The following DDX21 variants were observed in gnomAD, a reference collection of about 807,000 sequenced individuals.
The protein encoded by DDX21 is DExD-box helicase 21, also known as nucleolar RNA helicase 2.
DDX21 carries 18 observed loss-of-function variants against 90.0 expected under a neutral mutation model. That is an observed-to-expected ratio of 0.20 (90% CI 0.14 to 0.30). The LOEUF (loss-of-function observed/expected upper bound fraction) is 0.30. Among genes scored for constraint, DDX21 ranks in the 10% least tolerant of loss-of-function variants. The pLI is 1.00. For missense variants in DDX21, 673 were observed against 944.5 expected, an observed-to-expected ratio of 0.71 and a Z score of 3.77; for synonymous variants, 294 against 318.0, an observed-to-expected ratio of 0.92 and a Z score of 0.80.
Position 68,983,493 on chromosome 10 carries a change from T to C in DDX21, c.*681T>C, listed in dbSNP as rs1308872616. ...TAGTGAATTCTTCATAGATAGTATA[T>C]ATAAAAGTACATTTTAATAGAAAGC... On this transcript the variant is annotated 3_prime_UTR_variant, in exon 15 of 15. Coordinates refer to ENST00000354185, the MANE Select transcript of DDX21 (RefSeq NM_004728.4). 2.6e-5 allele frequency: 4 copies of C among 152,178 alleles called. No homozygotes were observed. The highest frequency in any genetic ancestry group is 5.9e-5 in the Non-Finnish European group (4 of 68,042). The allele number at this position is 152,178 out of a possible 1,614,324, so 9.4% of individuals were successfully genotyped here. A position where few individuals can be genotyped will look rare whatever the true frequency, so the allele number is the denominator to read the frequency against.
At position 68,960,858 on chromosome 10, in the gene DDX21, T is replaced by C. The variant is rs548354608; in HGVS notation, c.531+609T>C. Among the ~76,000 whole-genome samples the C allele has an allele frequency of 4.6e-5, 7 of 152,240 alleles. No individual in the cohort carries two copies. In the East Asian group the frequency reaches 1.2e-3, roughly 25 times the overall value. On this transcript the variant is annotated intron_variant, in intron 2 of 14. Transcript: ENST00000354185. Reference sequence around the variant, plus strand: ...ATACTGCTTAAGCTTAGGGAGAGTCTTGGTCTGCTTATTTGCAAGTCAGTC... The same window carrying C: ...ATACTGCTTAAGCTTAGGGAGAGTCCTGGTCTGCTTATTTGCAAGTCAGTC...
chr10:68,969,054 T>C lies in DDX21; in HGVS notation c.1169T>C (p.Met390Thr), dbSNP rs1444548575. 1 of 1,614,104 alleles carries C rather than the reference T, an allele frequency of 6.2e-7. No individual in the cohort carries two copies. The highest frequency in any genetic ancestry group is 1.3e-5 in the African/African-American group (1 of 75,046). ...HWVFNVAKKY[M>T]KSTYEQVDLI... is the part of the protein sequence containing the mutation. ...GTATTTAATGTTGCCAAGAAATACA[T>C]GAAATCTACATATGAACAGGTGGAC... The change falls in exon 7 of 15, where the codon ATG becomes ACG. Residue 390 changes from methionine to threonine, a missense_variant. Coordinates refer to ENST00000354185, the MANE Select transcript of DDX21 (RefSeq NM_004728.4).
At chr10:68,956,822 C>G in intron 1 of DDX21, 1 of 932,324 alleles carries the variant, frequency 1.1e-6, no homozygotes, top group Non-Finnish European at 1.3e-6. Flanking sequence ...GCGGGCGGAT[C>G]ATGAGGTCAG....
At chr10:68,977,000 T>C (rs1286618829) in intron 11 of DDX21, among the ~76,000 whole-genome samples, 4 of 152,030 alleles carry the variant, frequency 2.6e-5, no homozygotes, top group Non-Finnish European at 5.9e-5. Context: ...TGTGGCACAG[T>C]CATAGCTCAC....
chr10:68,957,653 C>CT (rs1842816796), intron 1 of DDX21, among the ~76,000 whole-genome samples: 1 of 152,182 alleles, frequency 6.6e-6, no homozygotes, highest in Non-Finnish European at 1.5e-5. Context: ...TGACCAAACT[C>CT]TGTTATATTC....
At chr10:68,977,006 C>A (rs1000612893) in intron 11 of DDX21, among the ~76,000 whole-genome samples, 5 of 151,380 alleles carry the variant, frequency 3.3e-5, no homozygotes, top group Admixed American at 6.6e-5. Context: ...ACAGTCATAG[C>A]TCACTGCAAT....
At chr10:68,981,453 T>C in intron 13 of DDX21, 84 bp from the exon 14 acceptor site, 1 of 1,278,674 alleles carries the variant, frequency 7.8e-7, no homozygotes, top group Non-Finnish European at 1.1e-6. Flanking sequence ...TTGTTTTCTT[T>C]TTTTTAAAGA....
chr10:68,979,801 A>G (rs1053935457), intron 13 of DDX21, among the ~76,000 whole-genome samples: 19 of 152,306 alleles, frequency 1.2e-4, no homozygotes, highest in Middle Eastern at 3.4e-3. Flanking sequence ...CAACCCTTTC[A>G]TAGGAGGATA....
chr10:68,980,133 A>G (rs886592400), intron 13 of DDX21, among the ~76,000 whole-genome samples: 3 of 152,124 alleles, frequency 2.0e-5, no homozygotes, highest in African/African-American at 7.2e-5. Flanking sequence ...CCAGCTACTC[A>G]GGAGGCTGAG....
At chr10:68,982,321 G>C (rs1843203412) in intron 14 of DDX21, among the ~76,000 whole-genome samples, 1 of 152,204 alleles carries the variant, frequency 6.6e-6, no homozygotes, top group Non-Finnish European at 1.5e-5. Flanking sequence ...ATGAAGTAGT[G>C]ATGAGGGCTA....
Position 68,978,746 on chromosome 10 carries a change from C to T in DDX21, c.1903-96C>T. The T allele has an allele frequency of 2.0e-6, 3 of 1,481,140 alleles. No homozygotes were observed. In the South Asian group the frequency reaches 4.1e-5, roughly 20 times the overall value. 91.7% of individuals were successfully genotyped at this position (1,481,140 alleles called of 1,614,324 possible). A position where few individuals can be genotyped will look rare whatever the true frequency, so the allele number is the denominator to read the frequency against. On this transcript the variant is annotated intron_variant, in intron 12 of 14. Transcript: ENST00000354185. ...GTGAGATGTATGTTTTTAGGAATAA[C>T]TTTTCAAGAAATATTTTAGAATCAC...
Position 68,967,112 on chromosome 10 carries a change from T to G in DDX21, c.999T>G (p.Leu333=). ...ATGGCAAACTAGATCTCACCAAACTTAAGCATGTTGTCCTGGATGAAGTGG... is the reference window on the plus strand; with the variant it reads ...ATGGCAAACTAGATCTCACCAAACTGAAGCATGTTGTCCTGGATGAAGTGG... ...IQNGKLDLTK[L]KHVVLDEVDQ... The change falls in exon 6 of 15, where the codon CTT becomes CTG. Residue 333 remains leucine, a synonymous_variant. Coordinates refer to ENST00000354185, the MANE Select transcript of DDX21 (RefSeq NM_004728.4). 6.2e-7 allele frequency: 1 copy of G among 1,612,320 alleles called. No individual in the cohort carries two copies. Among genetic ancestry groups the G allele is most frequent in the Non-Finnish European group, 8.5e-7 (1 of 1,179,530 alleles).
At chr10:68,961,894 T>G (rs1041151979) in intron 2 of DDX21, among the ~76,000 whole-genome samples, 188 bp from the exon 3 acceptor site, 1 of 152,238 alleles carries the variant, frequency 6.6e-6, no homozygotes, top group African/African-American at 2.4e-5. Context: ...TTTATAGATT[T>G]ATGACAATGT....
At chr10:68,968,739 C>G (rs1842977996) in intron 6 of DDX21, among the ~76,000 whole-genome samples, 1 of 152,144 alleles carries the variant, frequency 6.6e-6, no homozygotes, top group Non-Finnish European at 1.5e-5. Flanking sequence ...GGTCAGAAAG[C>G]AAAATAACTT....
chr10:68,976,872 T>C (rs1300141225), intron 11 of DDX21, among the ~76,000 whole-genome samples: 2 of 152,198 alleles, frequency 1.3e-5, no homozygotes, highest in African/African-American at 2.4e-5. Context: ...CCCTTAAGAA[T>C]GTACAAATAG....
chr10:68,976,435 C>T (rs1336034791), intron 11 of DDX21, among the ~76,000 whole-genome samples: 1 of 151,682 alleles, frequency 6.6e-6, no homozygotes, highest in Non-Finnish European at 1.5e-5. Flanking sequence ...CTACAGGCAC[C>T]TGCCACCACG....
At chr10:68,981,424 T>G in intron 13 of DDX21, 113 bp from the exon 14 acceptor site, 1 of 970,230 alleles carries the variant, frequency 1.0e-6, no homozygotes, top group Non-Finnish European at 1.6e-6. Context: ...TACCTGGTGG[T>G]TTTTTTGCTT....
At chr10:68,980,772 T>C (rs1488006957) in intron 13 of DDX21, among the ~76,000 whole-genome samples, 1 of 146,512 alleles carries the variant, frequency 6.8e-6, no homozygotes, top group Non-Finnish European at 1.5e-5. Context: ...TTTGGGAGGC[T>C]GAGCTGGGAA....
chr10:68,960,424 CAG>C (rs1564625125), intron 2 of DDX21, among the ~76,000 whole-genome samples, 175 bp downstream of exon 2: 1 of 152,148 alleles, frequency 6.6e-6, no homozygotes, highest in Non-Finnish European at 1.5e-5. Context: ...TAGCATACGA[CAG>C]GGCATGGTGG....
Sources: gnomAD v4.1 joint callset for allele counts (sites outside exome capture counted in the v4.1 genomes callset) on GRCh38, gnomAD v4.1.1 for gene constraint, MANE v1.5 for transcripts, NCBI Gene and HGNC (gene_info 2026-07-23, HGNC 2026-07-21) for gene names.